SLC16A10: variants seen among roughly 807,000 people sequenced by gnomAD.
SLC16A10 encodes the protein solute carrier family 16 member 10, also known as monocarboxylate transporter 10.
A neutral mutation model predicts 40.0 loss-of-function variants in SLC16A10; 27 were observed. The observed-to-expected ratio is 0.67, with a 90% CI of 0.50 to 0.93. The LOEUF (loss-of-function observed/expected upper bound fraction) is 0.93, where lower values mean the gene tolerates loss of function less well. Ranked by LOEUF, SLC16A10 falls within the 40% of genes least tolerant of loss-of-function variation. The pLI is 0.00. For missense variants in SLC16A10, 529 were observed against 658.2 expected (o/e 0.80, Z 2.15); for synonymous variants, 213 against 249.8 (o/e 0.85, Z 1.39).
intron 1 of SLC16A10, among the ~76,000 whole-genome samples, chr6:111,165,692 G>C (rs1000711851): frequency 2.6e-5 from 4 of 152,114 alleles, no homozygotes; most frequent in Non-Finnish European, 5.9e-5. Context: ...TCAAAGAGAT[G>C]GTAAGCAGTT....
At chr6:111,096,313 TAAAC>T (rs1771073800) in intron 1 of SLC16A10, among the ~76,000 whole-genome samples, 1 of 152,216 alleles carries the variant, frequency 6.6e-6, no homozygotes, top group Admixed American at 6.5e-5. Flanking sequence ...ATATTCAAAT[TAAAC>T]AAGCAAACCT....
Position 111,168,669 on chromosome 6 carries a change from A to G in SLC16A10, c.344-4026A>G, listed in dbSNP as rs952953329. On this transcript the variant is annotated intron_variant, in intron 1 of 5. Transcript: ENST00000368851. ...AATCATTAATTTATTCTTGAATTTG[A>G]TCAGAAGACAGACCTAACTTCATCT... Among the ~76,000 whole-genome samples, 44 of 152,248 alleles carry G rather than the reference A, an allele frequency of 2.9e-4. 1 individual carries two copies. Among genetic ancestry groups the G allele is most frequent in the Non-Finnish European group, 5.9e-5 (4 of 68,044 alleles).
chr6:111,105,226 T>G (rs979826749), intron 1 of SLC16A10, among the ~76,000 whole-genome samples: 31 of 152,152 alleles, frequency 2.0e-4, no homozygotes, highest in Non-Finnish European at 3.5e-4. Flanking sequence ...TTTAAAGTAT[T>G]GACAGTGGTG....
At chr6:111,100,968 CTCTCTCTCTCTCTCTCTCTCTCTCTA>C (rs1562397106) in intron 1 of SLC16A10, among the ~76,000 whole-genome samples, 118 of 113,170 alleles carry the variant, frequency 1.0e-3, no homozygotes, top group Non-Finnish European at 1.6e-3. Flanking sequence ...CCCTCTCTCT[CTCTCTCTCTCTCTCTCTCTCTCTCTA>C]TATATATATA....
intron 1 of SLC16A10, among the ~76,000 whole-genome samples, chr6:111,104,090 A>G (rs760634006): frequency 6.6e-6 from 1 of 152,280 alleles, no homozygotes; most frequent in Middle Eastern, 3.4e-3. Flanking sequence ...GGCCGAGGAT[A>G]TGTAGTGAAA....
At chr6:111,122,636 A>T (rs1410455928) in intron 1 of SLC16A10, among the ~76,000 whole-genome samples, 1 of 152,186 alleles carries the variant, frequency 6.6e-6, no homozygotes. Context: ...TGTTCAGCTC[A>T]GCTTCCTGCT....
At position 111,184,996 on chromosome 6, in the gene SLC16A10, GCGCTGAGCCA is replaced by G. The variant is rs147357073; in HGVS notation, c.942+7335_942+7344del. 2.3e-3 allele frequency among the ~76,000 whole-genome samples: 344 copies of G among 152,296 alleles called. 4 individuals are homozygous for G. The East Asian group carries it at 0.053, about 23-fold the overall frequency. On this transcript the variant is annotated intron_variant, in intron 3 of 5. Coordinates refer to ENST00000368851, the MANE Select transcript of SLC16A10 (RefSeq NM_018593.5). The stretch of plus-strand genomic sequence containing the variant: ...GTACTGCTCCAAGCCAGAGCTAAGG[GCGCTGAGCCA>G]CGCAAATAGGAACAGCATACAAGCC...
intron 3 of SLC16A10, among the ~76,000 whole-genome samples, chr6:111,191,478 A>G (rs1199419730): frequency 2.6e-5 from 4 of 152,152 alleles, no homozygotes; most frequent in Non-Finnish European, 4.4e-5. Context: ...TGCAATAAAC[A>G]TATGTGTGCA....
rs397888706 is a variant in SLC16A10 at position 111,155,022 on chromosome 6, CAA to C, written c.344-17652_344-17651del. On this transcript the variant is annotated intron_variant, in intron 1 of 5. Transcript: ENST00000368851. ...TGGGTGACAGAACAAGACTCCATCT[CAA>C]AAAAAAAAAAAAAAAAAAAAGACAA... 1.6e-3 allele frequency among the ~76,000 whole-genome samples: 87 copies of C among 53,462 alleles called. No individual in the cohort carries two copies. The East Asian group carries it at 0.025, about 16-fold the overall frequency. 35.1% of individuals were successfully genotyped at this position (53,462 alleles called of 152,430 possible).
chr6:111,125,377 C>T (rs965243119), intron 1 of SLC16A10, among the ~76,000 whole-genome samples: 10 of 152,068 alleles, frequency 6.6e-5, no homozygotes, highest in Non-Finnish European at 8.8e-5. Flanking sequence ...GAGTGGTTAT[C>T]ACTTACCTCC....
chr6:111,171,060 C>G (rs753902148), intron 1 of SLC16A10, among the ~76,000 whole-genome samples: 4 of 152,126 alleles, frequency 2.6e-5, no homozygotes, highest in Non-Finnish European at 4.4e-5. Flanking sequence ...TGGCTTGAGC[C>G]TAGAAGGCAG....
chr6:111,148,712 G>A (rs1772121538), intron 1 of SLC16A10, among the ~76,000 whole-genome samples: 1 of 152,238 alleles, frequency 6.6e-6, no homozygotes, highest in Non-Finnish European at 1.5e-5. Flanking sequence ...GTATGCTCTA[G>A]ACTGGGTTCC....
intron 1 of SLC16A10, among the ~76,000 whole-genome samples, chr6:111,158,900 A>G (rs1469332042): frequency 1.3e-5 from 2 of 151,848 alleles, no homozygotes; most frequent in Non-Finnish European, 2.9e-5. Flanking sequence ...AGCCTGAGCT[A>G]TAAGGCAAAA....
In SLC16A10 at chr6:111,230,262, C is replaced by G. The variant is rs1436311700; in HGVS notation, c.*8027C>G. The G allele has an allele frequency of 2.6e-5, 4 of 152,026 alleles. No homozygotes were observed. The highest frequency in any genetic ancestry group is 4.8e-5 in the African/African-American group (2 of 41,366). The allele number at this position is 152,026 out of a possible 1,614,324, so 9.4% of individuals were successfully genotyped here. On this transcript the variant is annotated 3_prime_UTR_variant, in exon 6 of 6. Coordinates refer to ENST00000368851, the MANE Select transcript of SLC16A10 (RefSeq NM_018593.5). ...GTGCTGGAATTACAGGCATGAGCCA[C>G]CATGCCCGGCTAGAGAATGACAGGT... is the stretch of plus-strand genomic sequence containing the variant.
rs111299205 is a variant in SLC16A10 at position 111,168,279 on chromosome 6, C to T, written c.344-4416C>T. ...ACAGGTGTGAGCCAACACGCCTGGCCGTTTGCATTTTTAAGATAAAAATTT... is the reference window on the plus strand; with the variant it reads ...ACAGGTGTGAGCCAACACGCCTGGCTGTTTGCATTTTTAAGATAAAAATTT... On this transcript the variant is annotated intron_variant, in intron 1 of 5. Transcript: ENST00000368851. 2.5e-3 allele frequency among the ~76,000 whole-genome samples: 383 copies of T among 152,162 alleles called. 2 individuals are homozygous for T. The highest frequency in any genetic ancestry group is 8.7e-3 in the African/African-American group (362 of 41,502).
chr6:111,182,343 G>A (rs558987939), intron 3 of SLC16A10, among the ~76,000 whole-genome samples: 5 of 99,308 alleles, frequency 5.0e-5, no homozygotes, highest in East Asian at 6.7e-4. Context: ...CCTTTTTAAC[G>A]GCTCCTCTGA....
At chr6:111,141,002 C>T (rs1771972563) in intron 1 of SLC16A10, among the ~76,000 whole-genome samples, 1 of 152,056 alleles carries the variant, frequency 6.6e-6, no homozygotes, top group African/African-American at 2.4e-5. Flanking sequence ...GTTGCCTAGG[C>T]CAGTCTCGAA....
intron 3 of SLC16A10, among the ~76,000 whole-genome samples, chr6:111,193,844 A>AT (rs1257349545): frequency 1.4e-4 from 22 of 152,182 alleles, no homozygotes; most frequent in African/African-American, 4.8e-4. Flanking sequence ...GCAGTAGTGT[A>AT]TTTTTGTTAG....
At chr6:111,212,990 T>C (rs568492974) in intron 4 of SLC16A10, among the ~76,000 whole-genome samples, 13 of 152,312 alleles carry the variant, frequency 8.5e-5, no homozygotes, top group Middle Eastern at 3.4e-3. Flanking sequence ...CTTATAGGCC[T>C]GTGTTTCTAG....
Sources: allele counts gnomAD v4.1 joint callset (sites outside exome capture counted in the v4.1 genomes callset), GRCh38; gene constraint gnomAD v4.1.1; transcripts MANE v1.5; gene names NCBI Gene and HGNC (gene_info 2026-07-23, HGNC 2026-07-21).